The following SLC23A2 variants were observed in gnomAD, a reference collection of about 807,000 sequenced individuals.
SLC23A2 encodes the protein solute carrier family 23 member 2, also known as Na(+)/L-ascorbic acid transporter 2.
A neutral mutation model predicts 73.3 loss-of-function variants in SLC23A2; 36 were observed. The observed-to-expected ratio is 0.49, with a 90% CI of 0.38 to 0.65. The LOEUF is 0.65. Among genes scored for constraint, SLC23A2 ranks in the 30% least tolerant of loss-of-function variants. The pLI, the probability that SLC23A2 is intolerant of heterozygous loss-of-function variation, is 0.00. For synonymous variants in SLC23A2, 343 were observed against 327.3 expected (o/e 1.05, Z -0.52); for missense variants, 507 against 841.6 (o/e 0.60, Z 4.92).
intron 6 of SLC23A2, among the ~76,000 whole-genome samples, chr20:4,892,256 G>A (rs540413551): frequency 1.3e-4 from 19 of 152,000 alleles, no homozygotes; most frequent in Admixed American, 8.5e-4. Flanking sequence ...ACCTTATCTC[G>A]GCTCACTGCA....
At chr20:4,969,951 T>C (rs2087536282) in intron 2 of SLC23A2, among the ~76,000 whole-genome samples, 1 of 152,084 alleles carries the variant, frequency 6.6e-6, no homozygotes, top group South Asian at 2.1e-4. Flanking sequence ...AAAATGTTCA[T>C]CAAGCTTTGG....
intron 2 of SLC23A2, among the ~76,000 whole-genome samples, chr20:4,960,608 C>T (rs1004474444): frequency 6.6e-6 from 1 of 151,910 alleles, no homozygotes; most frequent in African/African-American, 2.4e-5. Flanking sequence ...CGCGCACACG[C>T]ACACACACAA....
chr20:4,858,040 G>A (rs1488793810), intron 16 of SLC23A2, among the ~76,000 whole-genome samples: 1 of 152,140 alleles, frequency 6.6e-6, no homozygotes, highest in East Asian at 1.9e-4. Context: ...ATCTGAGTTT[G>A]CAAAACAGGG....
chr20:5,009,379 A>G (rs1177575072), intron 1 of SLC23A2, among the ~76,000 whole-genome samples: 1 of 152,124 alleles, frequency 6.6e-6, no homozygotes, highest in Non-Finnish European at 1.5e-5. Context: ...TCTTGCTCAG[A>G]AAGTCCCACC....
chr20:4,965,090 A>G (rs990424845), intron 2 of SLC23A2, among the ~76,000 whole-genome samples: 2 of 152,172 alleles, frequency 1.3e-5, no homozygotes, highest in African/African-American at 4.8e-5. Context: ...AAGACAAACT[A>G]GAAGAGAAAT....
intron 9 of SLC23A2, among the ~76,000 whole-genome samples, chr20:4,876,849 C>T (rs1930675374): frequency 6.6e-6 from 1 of 152,192 alleles, no homozygotes. Flanking sequence ...GACAGATTGT[C>T]ATCTTCCTTG....
intron 2 of SLC23A2, among the ~76,000 whole-genome samples, chr20:4,955,911 G>A (rs752766072): frequency 6.1e-4 from 93 of 151,606 alleles, no homozygotes; most frequent in African/African-American, 2.1e-3. Flanking sequence ...GGGGTTACGG[G>A]TGTTTCTTTT....
intron 1 of SLC23A2, among the ~76,000 whole-genome samples, chr20:4,991,385 C>T (rs1480392490): frequency 6.6e-6 from 1 of 152,146 alleles, no homozygotes; most frequent in Non-Finnish European, 1.5e-5. Context: ...ACTGGGATTA[C>T]AGGCATAAAT....
At position 4,855,458 on chromosome 20, in the gene SLC23A2, T is replaced by C. The variant is rs901781997; in HGVS notation, c.*1514A>G. ...CTGCTTCCTATCTCAGGCCTTTTCC[T>C]TCACTGAAAAACTTCAAACCAAACC... On this transcript the variant is annotated 3_prime_UTR_variant, in exon 17 of 17. Transcript: ENST00000338244. 16 of 152,250 alleles carry C rather than the reference T, an allele frequency of 1.1e-4. No homozygotes were observed. The highest frequency in any genetic ancestry group is 3.6e-4 in the African/African-American group (15 of 41,462). 9.4% of individuals were successfully genotyped at this position (152,250 alleles called of 1,614,324 possible). A position where few individuals can be genotyped will look rare whatever the true frequency, so the allele number is the denominator to read the frequency against.
chr20:4,911,995 C>G (rs901134570), intron 4 of SLC23A2, among the ~76,000 whole-genome samples: 1 of 147,456 alleles, frequency 6.8e-6, no homozygotes, highest in South Asian at 2.2e-4. Context: ...CATCACCACA[C>G]CTGGATAATT....
chr20:4,947,801 G>C lies in SLC23A2; in HGVS notation c.-154-15085C>G, dbSNP rs1462395503. 6.6e-6 allele frequency among the ~76,000 whole-genome samples: 1 copy of C among 152,222 alleles called. No homozygotes were observed. The highest frequency in any genetic ancestry group is 1.5e-5 in the Non-Finnish European group (1 of 68,046). ...AAGGCCAAAAGACCAGAATAGGCCT[G>C]AGAAGGTCATATCTAAAAGTCATTC... On this transcript the variant is annotated intron_variant, in intron 2 of 16. Transcript: ENST00000338244. This position sits in a 1 kb window ranked among gnomAD's most constrained non-coding sequence, Gnocchi z 4.4.
chr20:4,888,232 A>C (rs1931182644), intron 6 of SLC23A2, among the ~76,000 whole-genome samples: 6 of 152,198 alleles, frequency 3.9e-5, no homozygotes, highest in Admixed American at 3.3e-4. Context: ...CTGTAAGTAA[A>C]GTTGTACTGG....
chr20:4,966,423 C>T (rs558805498), intron 2 of SLC23A2, among the ~76,000 whole-genome samples: 1 of 152,098 alleles, frequency 6.6e-6, no homozygotes. Flanking sequence ...AATGCGGGAG[C>T]CACCAGCCCC....
chr20:4,885,879 T>C lies in SLC23A2; in HGVS notation c.513A>G (p.Ala171=), dbSNP rs112779445. 2.5e-5 allele frequency: 40 copies of C among 1,613,642 alleles called. No homozygotes were observed. Among genetic ancestry groups the C allele is most frequent in the Non-Finnish European group, 3.1e-5 (37 of 1,179,828 alleles). The change falls in exon 7 of 17, where the codon GCA becomes GCG. Residue 171 remains alanine, a synonymous_variant. Coordinates refer to ENST00000338244, the MANE Select transcript of SLC23A2 (RefSeq NM_005116.6). ...RLPLFQASAF[A]FLAPARAILS... ...GGATGGCTCGAGCAGGGGCCAAAAA[T>C]GCAAAAGCACTGGCCTGAAACAGGG...
intron 9 of SLC23A2, among the ~76,000 whole-genome samples, chr20:4,878,041 AG>A (rs1930727061): frequency 6.6e-6 from 1 of 152,248 alleles, no homozygotes; most frequent in Non-Finnish European, 1.5e-5. Context: ...TTAATGAGCT[AG>A]GTGTAGTCCC....
At chr20:4,936,742 C>T (rs1357153043) in intron 2 of SLC23A2, among the ~76,000 whole-genome samples, 2 of 152,226 alleles carry the variant, frequency 1.3e-5, no homozygotes, top group African/African-American at 4.8e-5. Context: ...ACAAGAATAC[C>T]TTCCAGCAAG....
intron 7 of SLC23A2, among the ~76,000 whole-genome samples, chr20:4,885,449 G>A (rs932851865): frequency 8.5e-5 from 13 of 152,336 alleles, no homozygotes; most frequent in African/African-American, 3.1e-4. Flanking sequence ...AAGCAAAGAT[G>A]TTTCAGAGAA....
At chr20:4,869,337 A>C (rs987297963) in intron 12 of SLC23A2, among the ~76,000 whole-genome samples, 10 of 149,820 alleles carry the variant, frequency 6.7e-5, no homozygotes, top group African/African-American at 7.6e-5. Context: ...AACAAACAAA[A>C]AAAAAACAAA....
chr20:4,943,543 T>A (rs776353068), intron 2 of SLC23A2, among the ~76,000 whole-genome samples: 6 of 150,988 alleles, frequency 4.0e-5, no homozygotes, highest in African/African-American at 1.5e-4. Context: ...GGCATGGTGG[T>A]ATCCGCCTGT....
Sources: gnomAD v4.1 joint callset for allele counts (sites outside exome capture counted in the v4.1 genomes callset) on GRCh38, gnomAD v4.1.1 for gene constraint, Gnocchi (gnomAD v3.1) non-coding constraint, MANE v1.5 for transcripts, NCBI Gene and HGNC (gene_info 2026-07-23, HGNC 2026-07-21) for gene names.